APCDD1L: variants seen among roughly 807,000 people sequenced by gnomAD.
APCDD1L encodes the protein APC down-regulated 1 like.
A neutral mutation model predicts 24.2 loss-of-function variants in APCDD1L; 21 were observed. That is an observed-to-expected ratio of 0.87 (90% confidence interval 0.61 to 1.25). The LOEUF (loss-of-function observed/expected upper bound fraction) is 1.25. APCDD1L is among the 50% of genes most tolerant of loss of function. The probability of loss-of-function intolerance (pLI) is 0.00; values close to 1 mark genes in which losing one functional copy is unlikely to be tolerated. For synonymous variants in APCDD1L, 321 were observed against 323.6 expected (o/e 0.99, Z 0.09); for missense variants, 704 against 711.7 (o/e 0.99, Z 0.12).
At chr20:58,495,826 G>A (rs1478584090) in intron 1 of APCDD1L, among the ~76,000 whole-genome samples, 2 of 152,160 alleles carry the variant, frequency 1.3e-5, no homozygotes, top group Admixed American at 1.3e-4. Context: ...CCTGGCTGGG[G>A]TCCCCACATG....
At position 58,497,400 on chromosome 20, in the gene APCDD1L, G is replaced by A. The variant is rs1348539479; in HGVS notation, c.49+17259C>T. Among the ~76,000 whole-genome samples, 2 of 152,092 alleles carry A rather than the reference G, an allele frequency of 1.3e-5. No homozygotes were observed. The highest frequency in any genetic ancestry group is 2.4e-5 in the African/African-American group (1 of 41,388). On this transcript the variant is annotated intron_variant, in intron 1 of 3. Coordinates refer to ENST00000371149, the MANE Select transcript of APCDD1L (RefSeq NM_153360.3). This position sits in a 1 kb window ranked among gnomAD's most constrained non-coding sequence, Gnocchi z 4.3. ...CGCCTTGCATCGTGTCCACAGATGG[G>A]GTGCTAAAACGAGAGGAATTTACAT...
chr20:58,473,344 T>C (rs9679861), intron 1 of APCDD1L, among the ~76,000 whole-genome samples: 5 of 152,182 alleles, frequency 3.3e-5, no homozygotes, highest in African/African-American at 1.2e-4. Flanking sequence ...GTTTATCTTG[T>C]TTTTCTGTGA....
intron 1 of APCDD1L, among the ~76,000 whole-genome samples, chr20:58,490,513 A>C (rs1990205301): frequency 6.6e-6 from 1 of 152,168 alleles, no homozygotes; most frequent in Non-Finnish European, 1.5e-5. Context: ...ATAACACACA[A>C]ACTTACGGCA....
In APCDD1L at chr20:58,467,881, T is replaced by C. The variant is rs764799114; in HGVS notation, c.189-223A>G. Among the ~76,000 whole-genome samples the C allele has an allele frequency of 3.3e-5, 5 of 152,118 alleles. No homozygotes were observed. The highest frequency in any genetic ancestry group is 4.8e-5 in the African/African-American group (2 of 41,440). ...CGTGGCCTCGACACAAGCCTTCTAG[T>C]TCATTCTCCTTTCCTTCAATCTGAA... On this transcript the variant is annotated intron_variant, in intron 2 of 3. Coordinates refer to ENST00000371149, the MANE Select transcript of APCDD1L (RefSeq NM_153360.3). The surrounding 1 kb of genome is among the most constrained non-coding windows in gnomAD (Gnocchi z 5.9).
Position 58,494,138 on chromosome 20 carries a change from TGAG to T in APCDD1L, c.49+20518_49+20520del, listed in dbSNP as rs1464436027. Among the ~76,000 whole-genome samples the T allele has an allele frequency of 6.6e-6, 1 of 151,980 alleles. No homozygotes were observed. The highest frequency in any genetic ancestry group is 1.5e-5 in the Non-Finnish European group (1 of 67,962). On this transcript the variant is annotated intron_variant, in intron 1 of 3. Transcript: ENST00000371149. The surrounding 1 kb of genome is among the most constrained non-coding windows in gnomAD (Gnocchi z 4.8). ...CTCATCACCTTCATGTTGAGTAGGC[TGAG>T]GAGGAGGAGGAAGAGGAGGGGCTGG... is the stretch of plus-strand genomic sequence containing the variant.
At chr20:58,465,897 T>C (rs2123133915) in intron 3 of APCDD1L, among the ~76,000 whole-genome samples, 1 of 152,318 alleles carries the variant, frequency 6.6e-6, no homozygotes, top group Middle Eastern at 3.4e-3. Context: ...CTTGGGTAAC[T>C]GTTTTAATAG....
chr20:58,480,333 G>T (rs1990000450), intron 1 of APCDD1L, among the ~76,000 whole-genome samples: 1 of 152,174 alleles, frequency 6.6e-6, no homozygotes, highest in African/African-American at 2.4e-5. Flanking sequence ...GGGGTACCTG[G>T]CAGAGCAGGT....
chr20:58,490,659 A>ACTGT (rs769516637), intron 1 of APCDD1L, among the ~76,000 whole-genome samples: 7 of 152,222 alleles, frequency 4.6e-5, no homozygotes, highest in Non-Finnish European at 1.0e-4. Context: ...GTGGGAAGAG[A>ACTGT]CTGTCTCTTC....
chr20:58,467,695 G>A lies in APCDD1L; in HGVS notation c.189-37C>T, dbSNP rs376210258. The A allele has an allele frequency of 2.3e-5, 33 of 1,431,926 alleles. No homozygotes were observed. The highest frequency in any genetic ancestry group is 2.9e-5 in the Admixed American group (1 of 34,746). The allele number at this position is 1,431,926 out of a possible 1,614,324, so 88.7% of individuals were successfully genotyped here. A position where few individuals can be genotyped will look rare whatever the true frequency, so the allele number is the denominator to read the frequency against. ...GAAGGAGATGGGCTGGGTGCAGAGG[G>A]AACACCGCGCCGCGAGCCCCTCTCC... On this transcript the variant is annotated intron_variant, in intron 2 of 3. Transcript: ENST00000371149. This position sits in a 1 kb window ranked among gnomAD's most constrained non-coding sequence, Gnocchi z 5.9.
intron 1 of APCDD1L, among the ~76,000 whole-genome samples, chr20:58,477,764 T>G (rs1021500317): frequency 2.0e-5 from 3 of 152,192 alleles, no homozygotes; most frequent in Non-Finnish European, 4.4e-5. Context: ...ATGGTCATTC[T>G]CTAGTTCCAT....
intron 1 of APCDD1L, among the ~76,000 whole-genome samples, chr20:58,480,649 A>C (rs1032704069): frequency 6.6e-6 from 1 of 152,212 alleles, no homozygotes; most frequent in African/African-American, 2.4e-5. Context: ...AGGGAAAGGA[A>C]GTGCACAGTT....
chr20:58,497,232 G>A lies in APCDD1L; in HGVS notation c.49+17427C>T, dbSNP rs1990342956. 6.6e-6 allele frequency among the ~76,000 whole-genome samples: 1 copy of A among 152,038 alleles called. No homozygotes were observed. Among genetic ancestry groups the A allele is most frequent in the Non-Finnish European group, 1.5e-5 (1 of 67,988 alleles). ...GGGGCATGCAGCGGGTGGAGGCTGA[G>A]GGGCAGATGCGGGTTTCAGGGAAGG... is the stretch of plus-strand genomic sequence containing the variant. On this transcript the variant is annotated intron_variant, in intron 1 of 3. Coordinates refer to ENST00000371149, the MANE Select transcript of APCDD1L (RefSeq NM_153360.3). The surrounding 1 kb of genome is among the most constrained non-coding windows in gnomAD (Gnocchi z 4.3).
intron 3 of APCDD1L, among the ~76,000 whole-genome samples, chr20:58,463,033 T>C (rs927790660): frequency 6.7e-6 from 1 of 148,450 alleles, no homozygotes; most frequent in Non-Finnish European, 1.5e-5. Context: ...TACTAGCTAC[T>C]CAGGAGACTG....
chr20:58,475,756 T>C (rs994650996), intron 1 of APCDD1L, among the ~76,000 whole-genome samples: 4 of 152,050 alleles, frequency 2.6e-5, no homozygotes, highest in African/African-American at 9.7e-5. Flanking sequence ...AGTCTGAAGT[T>C]TGAAATCAAG....
At chr20:58,478,356 C>A (rs73183273) in intron 1 of APCDD1L, among the ~76,000 whole-genome samples, 31 of 151,526 alleles carry the variant, frequency 2.0e-4, no homozygotes, top group Non-Finnish European at 3.7e-4. Flanking sequence ...TTAACTTTTT[C>A]TTTTCTCCTT....
Position 58,487,021 on chromosome 20 carries a change from C to T in APCDD1L, c.50-16274G>A, listed in dbSNP as rs1394667478. Among the ~76,000 whole-genome samples the T allele has an allele frequency of 2.7e-4, 41 of 152,008 alleles. 1 individual carries two copies. The highest frequency in any genetic ancestry group is 2.7e-3 in the Admixed American group (41 of 15,262). Reference sequence around the variant, plus strand: ...GGATTACAGGCACACACTACCACGCCTGGCTAATTTTTGTATTTTCAGTAG... The same window carrying T: ...GGATTACAGGCACACACTACCACGCTTGGCTAATTTTTGTATTTTCAGTAG... On this transcript the variant is annotated intron_variant, in intron 1 of 3. Coordinates refer to ENST00000371149, the MANE Select transcript of APCDD1L (RefSeq NM_153360.3).
chr20:58,473,959 C>T lies in APCDD1L; in HGVS notation c.50-3212G>A, dbSNP rs577092590. ...GCTTAAAATATGACCTGCTTGAGGC[C>T]GATGTGTTATCCTGAATCAGAGCAC... On this transcript the variant is annotated intron_variant, in intron 1 of 3. Coordinates refer to ENST00000371149, the MANE Select transcript of APCDD1L (RefSeq NM_153360.3). Among the ~76,000 whole-genome samples, 35 of 152,276 alleles carry T rather than the reference C, an allele frequency of 2.3e-4. 1 individual carries two copies. The South Asian group carries it at 3.5e-3, about 15-fold the overall frequency.
intron 1 of APCDD1L, among the ~76,000 whole-genome samples, chr20:58,501,282 C>T (rs1379308636): frequency 1.3e-5 from 2 of 152,136 alleles, no homozygotes; most frequent in Non-Finnish European, 2.9e-5. Flanking sequence ...ACCCCCTGTA[C>T]CTCAGAGCAT....
Position 58,461,459 on chromosome 20 carries a change from G to A in APCDD1L, c.837C>T (p.His279=). The A allele has an allele frequency of 6.7e-7, 1 of 1,497,676 alleles. No homozygotes were observed. Among genetic ancestry groups the A allele is most frequent in the Non-Finnish European group, 8.9e-7 (1 of 1,120,774 alleles). 92.8% of individuals were successfully genotyped at this position (1,497,676 alleles called of 1,614,324 possible). The change falls in exon 4 of 4, where the codon CAC becomes CAT. Residue 279 remains histidine (H), a synonymous_variant. Coordinates refer to ENST00000371149, the MANE Select transcript of APCDD1L (RefSeq NM_153360.3). The surrounding 1 kb of genome is among the most constrained non-coding windows in gnomAD (Gnocchi z 6.0). ...VLPPPLALPL[H]LGGWWVSSGC... is the part of the protein sequence containing the mutation. The stretch of plus-strand genomic sequence containing the variant: ...CCGAGCTGACCCACCAGCCGCCCAG[G>A]TGCAGGGGCAGGGCCAGAGGGGGCG...
Sources: allele counts gnomAD v4.1 joint callset (sites outside exome capture counted in the v4.1 genomes callset), GRCh38; gene constraint gnomAD v4.1.1; non-coding constraint Gnocchi (gnomAD v3.1); transcripts MANE v1.5; gene names NCBI Gene and HGNC (gene_info 2026-07-23, HGNC 2026-07-21).